Variants in TMEM108 observed in about 807,000 individuals in gnomAD.
The protein encoded by TMEM108 is transmembrane protein 108.
In TMEM108, 12 loss-of-function variants were observed where a neutral mutation model predicts 35.1. The ratio of observed to expected loss-of-function variants is 0.34; its 90% CI spans 0.22 to 0.55. The LOEUF is 0.55. Among genes scored for constraint, TMEM108 ranks in the 20% least tolerant of loss-of-function variants. TMEM108 has a pLI of 0.89. For synonymous variants in TMEM108, 287 were observed against 308.6 expected, an observed-to-expected ratio of 0.93 and a Z score of 0.73; for missense variants, 680 against 753.3, an observed-to-expected ratio of 0.90 and a Z score of 1.14.
At chr3:133,080,762 A>G (rs775491830) in intron 2 of TMEM108, among the ~76,000 whole-genome samples, 2 of 152,214 alleles carry the variant, frequency 1.3e-5, no homozygotes, top group Non-Finnish European at 2.9e-5. Context: ...GTACAGTTCA[A>G]TGTACCCAGT....
intron 2 of TMEM108, among the ~76,000 whole-genome samples, chr3:133,174,745 CTG>C (rs1945185092): frequency 6.6e-6 from 1 of 152,156 alleles, no homozygotes; most frequent in South Asian, 2.1e-4. Flanking sequence ...AGCAGAAAAA[CTG>C]GAAACTCTGA....
At chr3:133,199,421 T>C (rs898630185) in intron 2 of TMEM108, among the ~76,000 whole-genome samples, 1 of 152,238 alleles carries the variant, frequency 6.6e-6, no homozygotes, top group Non-Finnish European at 1.5e-5. Flanking sequence ...TGTGGTTTTA[T>C]CTACCTTTGG....
intron 3 of TMEM108, among the ~76,000 whole-genome samples, chr3:133,299,560 C>T (rs542950314): frequency 6.6e-6 from 1 of 152,264 alleles, no homozygotes; most frequent in Non-Finnish European, 1.5e-5. Flanking sequence ...AGATTATGCC[C>T]TCATCATGCT....
At chr3:133,168,647 C>A (rs760395811) in intron 2 of TMEM108, among the ~76,000 whole-genome samples, 164 of 152,182 alleles carry the variant, frequency 1.1e-3, no homozygotes, top group Non-Finnish European at 1.5e-3. Flanking sequence ...ATGAATCAAT[C>A]AGCAGGATGT....
rs6796819 is a variant in TMEM108 at position 133,328,321 on chromosome 3, G to A, written c.41-51431G>A. Among the ~76,000 whole-genome samples the A allele has an allele frequency of 4.2e-3, 642 of 152,294 alleles. 2 individuals are homozygous for A. Among genetic ancestry groups the A allele is most frequent in the African/African-American group, 0.014 (596 of 41,546 alleles). On this transcript the variant is annotated intron_variant, in intron 3 of 5. Coordinates refer to ENST00000321871, the MANE Select transcript of TMEM108 (RefSeq NM_023943.4). ...GACCTTCCGATCACAAGAAAATGAG[G>A]TATCGTTGGAAAAAAACTCTAAGCC...
intron 2 of TMEM108, among the ~76,000 whole-genome samples, chr3:133,214,966 T>G (rs1287470704): frequency 6.6e-6 from 1 of 152,116 alleles, no homozygotes; most frequent in Non-Finnish European, 1.5e-5. Context: ...AAATTGTCCT[T>G]CTCGAAACTG....
chr3:133,305,614 G>A (rs2071023611), intron 3 of TMEM108, among the ~76,000 whole-genome samples: 1 of 152,042 alleles, frequency 6.6e-6, no homozygotes, highest in Non-Finnish European at 1.5e-5. Context: ...AGATTCCTAG[G>A]AGTGAAATTG....
intron 2 of TMEM108, among the ~76,000 whole-genome samples, chr3:133,089,070 T>C (rs1901036): frequency 0.24 from 36,317 of 151,858 alleles, 4,509 homozygotes; most frequent in East Asian, 0.31. Context: ...GGGGGCGGTG[T>C]TATACACTTT....
intron 3 of TMEM108, among the ~76,000 whole-genome samples, chr3:133,363,285 A>C (rs1273316041): frequency 1.3e-5 from 2 of 151,862 alleles, no homozygotes; most frequent in East Asian, 3.8e-4. Context: ...TCCATCTGGA[A>C]CAGGGACCCA....
intron 2 of TMEM108, among the ~76,000 whole-genome samples, chr3:133,162,662 A>C (rs1229439437): frequency 6.6e-6 from 1 of 152,202 alleles, no homozygotes; most frequent in African/African-American, 2.4e-5. Context: ...GCAGGTCTTT[A>C]CTGTGCAAAA....
At chr3:133,181,008 T>TAAAAAAAAA (rs369228472) in intron 2 of TMEM108, among the ~76,000 whole-genome samples, 1,389 of 75,758 alleles carry the variant, frequency 0.018, 170 homozygotes, top group East Asian at 0.028. Flanking sequence ...GCAGTTGTGT[T>TAAAAAAAAA]AAAAAAAAAA....
intron 4 of TMEM108, among the ~76,000 whole-genome samples, chr3:133,385,019 T>C (rs1489593908): frequency 2.0e-5 from 3 of 152,190 alleles, no homozygotes; most frequent in Non-Finnish European, 2.9e-5. Flanking sequence ...TTCTAGACAG[T>C]GGAGCATTAG....
intron 2 of TMEM108, chr3:133,124,883 G>T (rs1180838453): frequency 2.0e-5 from 3 of 152,244 alleles, no homozygotes; most frequent in African/African-American, 7.2e-5. Context: ...AACCCAGAGT[G>T]GGCAGTAGAG....
Position 133,345,550 on chromosome 3 carries a change from A to G in TMEM108, c.41-34202A>G, listed in dbSNP as rs568290234. 5.3e-5 allele frequency among the ~76,000 whole-genome samples: 8 copies of G among 152,032 alleles called. No homozygotes were observed. The East Asian group carries it at 9.7e-4, about 18-fold the overall frequency. On this transcript the variant is annotated intron_variant, in intron 3 of 5. Coordinates refer to ENST00000321871, the MANE Select transcript of TMEM108 (RefSeq NM_023943.4). ...TTCCAGACACTCAAATAAATGCAAT[A>G]TGATGAAAGACAAAAATAAGAGTTA...
At chr3:133,203,788 A>G (rs978238866) in intron 2 of TMEM108, among the ~76,000 whole-genome samples, 2 of 152,182 alleles carry the variant, frequency 1.3e-5, no homozygotes, top group African/African-American at 4.8e-5. Context: ...AGATTTTGGT[A>G]TCAGGATGAT....
intron 3 of TMEM108, among the ~76,000 whole-genome samples, chr3:133,345,149 T>A (rs1267008694): frequency 6.6e-6 from 1 of 151,720 alleles, no homozygotes; most frequent in Non-Finnish European, 1.5e-5. Flanking sequence ...CCCAACAAAC[T>A]TACAAACCAG....
At chr3:133,225,745 T>C (rs1946061010) in intron 2 of TMEM108, among the ~76,000 whole-genome samples, 1 of 151,882 alleles carries the variant, frequency 6.6e-6, no homozygotes, top group Non-Finnish European at 1.5e-5. Context: ...AGTAATAATA[T>C]AGAACTCACT....
At chr3:133,184,832 A>C (rs530447184) in intron 2 of TMEM108, among the ~76,000 whole-genome samples, 1 of 152,378 alleles carries the variant, frequency 6.6e-6, no homozygotes, top group South Asian at 2.1e-4. Flanking sequence ...GGAATGAGTT[A>C]ATTCAGCAAG....
chr3:133,380,200 C>T lies in TMEM108; in HGVS notation c.489C>T (p.Arg163=), dbSNP rs762274815. The T allele has an allele frequency of 1.2e-6, 2 of 1,610,618 alleles. No homozygotes were observed. Among genetic ancestry groups the T allele is most frequent in the South Asian group, 2.2e-5 (2 of 90,826 alleles). The part of the protein sequence containing the change: ...PTTAPPRTTT[R]RPPRPPGSSR... Reference sequence around the variant, plus strand: ...CAGCGCCCCCCCGCACTACCACACGCAGGCCCCCCAGGCCCCCAGGCTCTT... The same window carrying T: ...CAGCGCCCCCCCGCACTACCACACGTAGGCCCCCCAGGCCCCCAGGCTCTT... The change falls in exon 4 of 6, where the codon CGC becomes CGT. Residue 163 remains arginine, a synonymous_variant. Transcript: ENST00000321871. The surrounding 1 kb of genome is among the most constrained non-coding windows in gnomAD (Gnocchi z 5.3).
Sources: allele counts gnomAD v4.1 joint callset (sites outside exome capture counted in the v4.1 genomes callset), GRCh38; gene constraint gnomAD v4.1.1; non-coding constraint Gnocchi (gnomAD v3.1); transcripts MANE v1.5; gene names NCBI Gene and HGNC (gene_info 2026-07-23, HGNC 2026-07-21).